Variants in SCIMP observed in about 807,000 individuals in gnomAD.
SCIMP encodes the protein SLP adaptor and CSK interacting membrane protein.
Under a neutral mutation model 22.0 loss-of-function variants are expected in SCIMP, and 18 were observed. The observed-to-expected ratio is 0.82, with a 90% CI of 0.56 to 1.21. SCIMP has a LOEUF of 1.21. Ranked by LOEUF, SCIMP falls within the 50% of genes most tolerant of loss-of-function variation. SCIMP has a pLI of 0.00. For missense variants in SCIMP, 155 were observed against 171.2 expected (o/e 0.91, Z 0.53); for synonymous variants, 53 against 62.2 (o/e 0.85, Z 0.70).
chr17:5,214,692 T>G (rs1162214770), intron 4 of SCIMP: 1 of 443,648 alleles, frequency 2.3e-6, no homozygotes, highest in Admixed American at 4.0e-5. Context: ...TACAAAAAAT[T>G]AGCTGGGCGT....
intron 3 of SCIMP, 186 bp from the exon 4 acceptor site, chr17:5,215,184 C>T (rs1405527234): frequency 9.3e-6 from 5 of 535,564 alleles, no homozygotes; most frequent in Non-Finnish European, 1.7e-5. Flanking sequence ...CCTAATGAAA[C>T]CGTTTTCTGT....
chr17:5,218,542 G>A (rs1295853633), intron 3 of SCIMP, among the ~76,000 whole-genome samples: 1 of 152,102 alleles, frequency 6.6e-6, no homozygotes, highest in Non-Finnish European at 1.5e-5. Flanking sequence ...GTTTCACCAT[G>A]TTGGCCAGAC....
chr17:5,226,778 G>C lies in SCIMP; in HGVS notation c.22-3322C>G, dbSNP rs2074652614. Among the ~76,000 whole-genome samples the C allele has an allele frequency of 2.6e-5, 4 of 151,982 alleles. No homozygotes were observed. In the South Asian group the frequency reaches 8.3e-4, roughly 32 times the overall value. ...CCTGCCTCAGCCTCCCAAAGTGCTG[G>C]GATTACAGGCATGAGCCACCACGCC... On this transcript the variant is annotated intron_variant, in intron 1 of 4. Transcript: ENST00000574081.
chr17:5,229,384 CTTTTTTTTTT>C (rs71151849), intron 1 of SCIMP, among the ~76,000 whole-genome samples: 4 of 59,308 alleles, frequency 6.7e-5, no homozygotes, highest in East Asian at 8.3e-4. Context: ...GTTTATTTAG[CTTTTTTTTTT>C]TTTTTTTTTT....
rs963676805 is a variant in SCIMP at position 5,209,114 on chromosome 17, A to C, written c.*1687T>G. On this transcript the variant is annotated 3_prime_UTR_variant, in exon 5 of 5. Coordinates refer to ENST00000574081, the MANE Select transcript of SCIMP (RefSeq NM_207103.3). ...ATAGTTAGATAACTACTGGCCTAACATAAGGAGGGTTTATTTATTTATTTA... is the reference window on the plus strand; with the variant it reads ...ATAGTTAGATAACTACTGGCCTAACCTAAGGAGGGTTTATTTATTTATTTA... The C allele has an allele frequency of 1.3e-5, 2 of 152,006 alleles. No individual in the cohort carries two copies. The highest frequency in any genetic ancestry group is 2.9e-5 in the Non-Finnish European group (2 of 68,042). 9.4% of individuals were successfully genotyped at this position (152,006 alleles called of 1,614,324 possible).
intron 2 of SCIMP, 90 bp downstream of exon 2, chr17:5,223,243 C>G (rs892286775): frequency 2.1e-6 from 3 of 1,412,598 alleles, no homozygotes; most frequent in Non-Finnish European, 3.0e-6. Context: ...CATTCAGGCC[C>G]AGGATTGATT....
chr17:5,234,632 G>A, intron 1 of SCIMP, 103 bp downstream of exon 1: 3 of 1,240,484 alleles, frequency 2.4e-6, no homozygotes, highest in Non-Finnish European at 3.5e-6. Flanking sequence ...CCCTGGCCCA[G>A]TGCTGATCGG....
In SCIMP at chr17:5,213,008, C is replaced by CTTTGAGGTGGTAACTTCTTTTTTTTT. The variant is rs61111089; in HGVS notation, c.283+1916_283+1917insAAAAAAAAAGAAGTTACCACCTCAAA. The CTTTGAGGTGGTAACTTCTTTTTTTTT allele has an allele frequency of 5.4e-5, 15 of 278,900 alleles. 1 individual carries two copies. Among genetic ancestry groups the CTTTGAGGTGGTAACTTCTTTTTTTTT allele is most frequent in the African/African-American group, 1.7e-4 (5 of 29,732 alleles). 17.3% of individuals were successfully genotyped at this position (278,900 alleles called of 1,614,324 possible). On this transcript the variant is annotated intron_variant, in intron 4 of 4. Transcript: ENST00000574081. Reference sequence around the variant, plus strand: ...TAGGTTGAGTGGACAGAGAGGGCCTCTTTGAGGTGGTAACTTCTGAGCTGA... The same window carrying CTTTGAGGTGGTAACTTCTTTTTTTTT: ...TAGGTTGAGTGGACAGAGAGGGCCTCTTTGAGGTGGTAACTTCTTTTTTTTTTTTGAGGTGGTAACTTCTGAGCTGA...
intron 1 of SCIMP, among the ~76,000 whole-genome samples, chr17:5,227,290 ACAACACAC>A (rs1567843117): frequency 1.2e-5 from 1 of 83,186 alleles, no homozygotes; most frequent in Admixed American, 1.1e-4. Context: ...ACACACACAC[ACAACACAC>A]ACACACACAC....
chr17:5,234,529 G>A (rs2074729101), intron 1 of SCIMP: 2 of 602,698 alleles, frequency 3.3e-6, no homozygotes, highest in Admixed American at 2.8e-5. Flanking sequence ...GATGCCTCAG[G>A]TCACTCAGCC....
In SCIMP at chr17:5,210,937, C is replaced by T; in HGVS notation, c.302G>A (p.Ser101Asn). 6.2e-7 allele frequency: 1 copy of T among 1,611,922 alleles called. No individual in the cohort carries two copies. Residue 101 changes from serine (S) to asparagine (N), a missense_variant, in exon 5 of 5, where the codon AGT (serine) becomes AAT (asparagine). Ser to Asn is a conservative substitution (Grantham distance 46). Transcript: ENST00000574081. The part of the protein sequence containing the change: ...LEDSSPQEAP[S>N]QPPATYSLVN... ...CAGTGAGTATGTAGCGGGCGGCTGA[C>T]TTGGGGCTTCCTGTGGGGCTAGAAT... is the stretch of plus-strand genomic sequence containing the variant.
intron 3 of SCIMP, among the ~76,000 whole-genome samples, chr17:5,219,395 G>T (rs572951952): frequency 6.6e-6 from 1 of 152,244 alleles, no homozygotes; most frequent in South Asian, 2.1e-4. Context: ...GGGAGGCCAA[G>T]GTGGGTGGAT....
chr17:5,210,220 G>C lies in SCIMP; in HGVS notation c.*581C>G, dbSNP rs1278697474. 1 of 152,226 alleles carries C rather than the reference G, an allele frequency of 6.6e-6. No homozygotes were observed. The highest frequency in any genetic ancestry group is 1.9e-4 in the East Asian group (1 of 5,186). 9.4% of individuals were successfully genotyped at this position (152,226 alleles called of 1,614,324 possible). A position where few individuals can be genotyped will look rare whatever the true frequency, so the allele number is the denominator to read the frequency against. Reference sequence around the variant, plus strand: ...GGGGTTTGCAGGGTGTCTAGGTGGGGAGGGTTCACGAGAACAAAAGGTACT... The same window carrying C: ...GGGGTTTGCAGGGTGTCTAGGTGGGCAGGGTTCACGAGAACAAAAGGTACT... On this transcript the variant is annotated 3_prime_UTR_variant, in exon 5 of 5. Transcript: ENST00000574081.
At chr17:5,222,607 A>T (rs1338245217) in intron 2 of SCIMP, among the ~76,000 whole-genome samples, 1 of 152,158 alleles carries the variant, frequency 6.6e-6, no homozygotes, top group African/African-American at 2.4e-5. Flanking sequence ...GAAGGCAATC[A>T]TGGTGGCCAA....
chr17:5,218,346 C>CTT (rs879659270), intron 3 of SCIMP, among the ~76,000 whole-genome samples: 1 of 139,440 alleles, frequency 7.2e-6, no homozygotes, highest in Non-Finnish European at 1.6e-5. Context: ...TAGTTTTTTG[C>CTT]TTTTTTTTTT....
At chr17:5,231,610 T>C (rs2074694961) in intron 1 of SCIMP, among the ~76,000 whole-genome samples, 1 of 152,108 alleles carries the variant, frequency 6.6e-6, no homozygotes, top group Non-Finnish European at 1.5e-5. Context: ...GTCCTACTTT[T>C]CCCTCCAATC....
At chr17:5,232,894 T>C (rs1222093913) in intron 1 of SCIMP, among the ~76,000 whole-genome samples, 1 of 152,092 alleles carries the variant, frequency 6.6e-6, no homozygotes, top group Non-Finnish European at 1.5e-5. Context: ...GTATTTTTAG[T>C]AGAGATGGGG....
intron 4 of SCIMP, chr17:5,213,210 C>T: frequency 1.0e-6 from 1 of 983,974 alleles, no homozygotes; most frequent in Non-Finnish European, 1.2e-6. Context: ...TTATATCAGG[C>T]TATTGGGTGC....
chr17:5,212,545 A>G (rs536061213), intron 4 of SCIMP, among the ~76,000 whole-genome samples: 63 of 152,296 alleles, frequency 4.1e-4, no homozygotes, highest in African/African-American at 1.1e-3. Flanking sequence ...GAGGCAGGAC[A>G]ATGGCATGAA....
Sources: gnomAD v4.1 joint callset for allele counts (sites outside exome capture counted in the v4.1 genomes callset) on GRCh38, gnomAD v4.1.1 for gene constraint, MANE v1.5 for transcripts, NCBI Gene and HGNC (gene_info 2026-07-23, HGNC 2026-07-21) for gene names.